The following HS2ST1 variants were observed in gnomAD, a reference collection of about 807,000 sequenced individuals.
HS2ST1 encodes heparan sulfate 2-O-sulfotransferase 1.
In HS2ST1, 18 loss-of-function variants were observed where a neutral mutation model predicts 42.9. The observed-to-expected ratio is 0.42, with a 90% CI of 0.29 to 0.62. The LOEUF is 0.62. Ranked by LOEUF, HS2ST1 falls within the 20% of genes least tolerant of loss-of-function variation. The pLI is 0.21. For missense variants in HS2ST1, 334 were observed against 433.8 expected (o/e 0.77, Z 2.04); for synonymous variants, 146 against 152.9 (o/e 0.95, Z 0.33).
At chr1:86,972,540 C>G (rs1331152794) in intron 1 of HS2ST1, among the ~76,000 whole-genome samples, 1 of 152,060 alleles carries the variant, frequency 6.6e-6, no homozygotes, top group African/African-American at 2.4e-5. Flanking sequence ...CTGTTAATCT[C>G]TTATTGTGCC....
rs562261513 is a variant in HS2ST1, at chr1:87,105,060, T to G, written c.*364T>G. ...AGCATTTTTTCAACTAACCATGAATTAAGATGAGTCCATTTGCCTCTTCTG... is the reference window on the plus strand; with the variant it reads ...AGCATTTTTTCAACTAACCATGAATGAAGATGAGTCCATTTGCCTCTTCTG... On this transcript the variant is annotated 3_prime_UTR_variant, in exon 7 of 7. Coordinates refer to ENST00000370550, the MANE Select transcript of HS2ST1 (RefSeq NM_012262.4). 192 of 201,706 alleles carry G rather than the reference T, an allele frequency of 9.5e-4. 1 individual carries two copies. The highest frequency in any genetic ancestry group is 4.2e-3 in the African/African-American group (179 of 42,568). 12.5% of individuals were successfully genotyped at this position (201,706 alleles called of 1,614,324 possible).
chr1:86,975,981 T>G (rs559060803), intron 1 of HS2ST1, among the ~76,000 whole-genome samples: 1 of 152,344 alleles, frequency 6.6e-6, no homozygotes, highest in Admixed American at 6.5e-5. Flanking sequence ...AAATTTAAAG[T>G]GCCATGGCAA....
chr1:86,920,802 A>G (rs1482789253), intron 1 of HS2ST1, among the ~76,000 whole-genome samples: 1 of 152,160 alleles, frequency 6.6e-6, no homozygotes, highest in Admixed American at 6.5e-5. Context: ...TCTGCCTGTT[A>G]ACAATAGATG....
In HS2ST1 at chr1:87,104,663, T is replaced by C. The variant is rs762548775; in HGVS notation, c.1038T>C (p.Phe346=). Residue 346 remains phenylalanine (F), a synonymous_variant, in exon 7 of 7, where the codon TTT becomes TTC. Transcript: ENST00000370550. ...DGDLYILAQN[F]FYEKIYPKSN ...ACCTCTACATCCTCGCACAAAACTT[T>C]TTCTATGAAAAGATTTACCCTAAGT... 2.7e-5 allele frequency: 44 copies of C among 1,612,646 alleles called. No individual in the cohort carries two copies. Among genetic ancestry groups the C allele is most frequent in the Non-Finnish European group, 3.6e-5 (43 of 1,178,800 alleles).
intron 1 of HS2ST1, among the ~76,000 whole-genome samples, chr1:86,915,824 A>AGTGGCGCTAAAC (rs1660141945): frequency 6.6e-6 from 1 of 152,292 alleles, no homozygotes; most frequent in East Asian, 1.9e-4. Context: ...ATTCTTCTTT[A>AGTGGCGCTAAAC]GTGGCGCTAA....
At position 87,105,723 on chromosome 1, in the gene HS2ST1, A is replaced by G. The variant is rs1652311962; in HGVS notation, c.*1027A>G. On this transcript the variant is annotated 3_prime_UTR_variant, in exon 7 of 7. Coordinates refer to ENST00000370550, the MANE Select transcript of HS2ST1 (RefSeq NM_012262.4). ...AATTAGACAAAAGTGGTTTTGCACC[A>G]ATTTTATGTCAAGTAAAACCATCAG... The G allele has an allele frequency of 1.3e-5, 2 of 152,540 alleles. No homozygotes were observed. The highest frequency in any genetic ancestry group is 2.9e-5 in the Non-Finnish European group (2 of 67,944). 9.4% of individuals were successfully genotyped at this position (152,540 alleles called of 1,614,324 possible).
intron 1 of HS2ST1, among the ~76,000 whole-genome samples, chr1:86,983,526 C>T (rs1302768859): frequency 1.3e-5 from 2 of 152,030 alleles, no homozygotes; most frequent in South Asian, 2.1e-4. Context: ...CTCCCTCCCT[C>T]GACACATGGG....
At chr1:87,089,860 C>T (rs1280810471) in intron 3 of HS2ST1, among the ~76,000 whole-genome samples, 1 of 152,042 alleles carries the variant, frequency 6.6e-6, no homozygotes, top group African/African-American at 2.4e-5. Context: ...TTCCCTTTTA[C>T]TGCTGCCTGG....
intron 1 of HS2ST1, among the ~76,000 whole-genome samples, chr1:87,064,802 A>G (rs1651205921): frequency 6.6e-6 from 1 of 152,138 alleles, no homozygotes; most frequent in Admixed American, 6.6e-5. Flanking sequence ...CTGGGACTAC[A>G]GGCATGCACC....
In HS2ST1 at chr1:87,105,474, G is replaced by A. The variant is rs1376533656; in HGVS notation, c.*778G>A. 1 of 152,134 alleles carries A rather than the reference G, an allele frequency of 6.6e-6. No homozygotes were observed. The highest frequency in any genetic ancestry group is 2.4e-5 in the African/African-American group (1 of 41,408). The allele number at this position is 152,134 out of a possible 1,614,324, so 9.4% of individuals were successfully genotyped here. ...GTAAGTTTAGTATTTGTTTCTCCAT[G>A]GGTTATTTGTAAAGCTGTAAACTGA... On this transcript the variant is annotated 3_prime_UTR_variant, in exon 7 of 7. Coordinates refer to ENST00000370550, the MANE Select transcript of HS2ST1 (RefSeq NM_012262.4).
chr1:87,048,271 C>T (rs774091519), intron 1 of HS2ST1, among the ~76,000 whole-genome samples: 1 of 152,152 alleles, frequency 6.6e-6, no homozygotes, highest in Non-Finnish European at 1.5e-5. Context: ...TTGCTAAACT[C>T]ATTAATTCTC....
chr1:87,100,124 C>A (rs1482699789), intron 5 of HS2ST1, among the ~76,000 whole-genome samples: 1 of 152,222 alleles, frequency 6.6e-6, no homozygotes, highest in Admixed American at 6.5e-5. Flanking sequence ...GCATAATCAC[C>A]TTCCCACAGC....
intron 1 of HS2ST1, among the ~76,000 whole-genome samples, chr1:87,025,061 AGG>A (rs1650049391): frequency 6.6e-6 from 1 of 152,248 alleles, no homozygotes; most frequent in Non-Finnish European, 1.5e-5. Context: ...CATTTCAGTG[AGG>A]GACTATAACA....
chr1:87,053,555 T>C (rs1225683569), intron 1 of HS2ST1, among the ~76,000 whole-genome samples: 1 of 152,190 alleles, frequency 6.6e-6, no homozygotes, highest in East Asian at 1.9e-4. Context: ...TAGTTTTACT[T>C]TGGAAAAAAA....
chr1:87,020,493 G>C (rs1649911158), intron 1 of HS2ST1, among the ~76,000 whole-genome samples: 1 of 152,178 alleles, frequency 6.6e-6, no homozygotes, highest in Non-Finnish European at 1.5e-5. Flanking sequence ...TATTTCTTGA[G>C]TTTCCAAAGG....
chr1:86,961,684 C>G (rs537833413), intron 1 of HS2ST1, among the ~76,000 whole-genome samples: 31 of 152,104 alleles, frequency 2.0e-4, no homozygotes, highest in African/African-American at 7.5e-4. Flanking sequence ...AATGTGCAAC[C>G]AAAACTAACA....
At chr1:86,951,108 A>G (rs144598472) in intron 1 of HS2ST1, among the ~76,000 whole-genome samples, 1,559 of 152,386 alleles carry the variant, frequency 0.01, 17 homozygotes, top group Non-Finnish European at 0.011. Flanking sequence ...AGAATTTATT[A>G]GCAGTACATG....
At chr1:87,010,554 A>T (rs7547021) in intron 1 of HS2ST1, among the ~76,000 whole-genome samples, 82 of 152,304 alleles carry the variant, frequency 5.4e-4, no homozygotes, top group African/African-American at 1.9e-3. Flanking sequence ...TAAAGGAGCC[A>T]GTAGAGAAAT....
intron 1 of HS2ST1, among the ~76,000 whole-genome samples, chr1:86,989,638 G>A (rs1357441344): frequency 6.6e-6 from 1 of 152,106 alleles, no homozygotes; most frequent in Non-Finnish European, 1.5e-5. Context: ...CGTTACATAG[G>A]TATACACGTG....
Sources: allele counts gnomAD v4.1 joint callset (sites outside exome capture counted in the v4.1 genomes callset), GRCh38; gene constraint gnomAD v4.1.1; transcripts MANE v1.5; gene names NCBI Gene and HGNC (gene_info 2026-07-23, HGNC 2026-07-21).